MACROD2: variants seen among roughly 807,000 people sequenced by gnomAD.
MACROD2 encodes ADP-ribose glycohydrolase MACROD2.
A neutral mutation model predicts 70.4 loss-of-function variants in MACROD2; 36 were observed. That is an observed-to-expected ratio of 0.51 (90% CI 0.39 to 0.68). MACROD2 has a LOEUF of 0.68. Among genes scored for constraint, MACROD2 ranks in the 30% least tolerant of loss-of-function variants. MACROD2 has a pLI of 0.00. For missense variants in MACROD2, 496 were observed against 538.4 expected (o/e 0.92, Z 0.78); for synonymous variants, 172 against 178.8 (o/e 0.96, Z 0.30).
chr20:14,847,485 G>GTTTTTT (rs34778387), intron 5 of MACROD2, among the ~76,000 whole-genome samples: 1 of 121,450 alleles, frequency 8.2e-6, no homozygotes. Context: ...AGTGTTGCCT[G>GTTTTTT]TTTTTTTTTT....
At chr20:14,996,222 T>C (rs2074948239) in intron 5 of MACROD2, among the ~76,000 whole-genome samples, 1 of 152,202 alleles carries the variant, frequency 6.6e-6, no homozygotes, top group Non-Finnish European at 1.5e-5. Flanking sequence ...GCCAGTGTGC[T>C]CTGCACATGG....
At chr20:14,904,490 A>G (rs563673517) in intron 5 of MACROD2, among the ~76,000 whole-genome samples, 3 of 152,242 alleles carry the variant, frequency 2.0e-5, no homozygotes, top group South Asian at 4.1e-4. Context: ...CATTATGCAT[A>G]TATGTACATT....
intron 5 of MACROD2, among the ~76,000 whole-genome samples, chr20:14,761,297 A>C (rs1336690671): frequency 1.3e-5 from 2 of 152,104 alleles, no homozygotes; most frequent in African/African-American, 4.8e-5. Context: ...ATTCCCAATC[A>C]ACAGTTGCTG....
At position 14,406,145 on chromosome 20, in the gene MACROD2, C is replaced by T. The variant is rs181112613; in HGVS notation, c.272-87334C>T. Among the ~76,000 whole-genome samples the T allele has an allele frequency of 1.5e-3, 226 of 152,184 alleles. 2 individuals are homozygous for T. Among genetic ancestry groups the T allele is most frequent in the African/African-American group, 5.1e-3 (213 of 41,556 alleles). ...ACCTGTTTGACAAAAATTTGCTCCTCTCTGACCTATCTTATGGGAAGTACT... is the reference window on the plus strand; with the variant it reads ...ACCTGTTTGACAAAAATTTGCTCCTTTCTGACCTATCTTATGGGAAGTACT... On this transcript the variant is annotated intron_variant, in intron 3 of 17. Transcript: ENST00000684519.
At chr20:14,108,638 A>G (rs2054404387) in intron 3 of MACROD2, among the ~76,000 whole-genome samples, 1 of 152,108 alleles carries the variant, frequency 6.6e-6, no homozygotes, top group African/African-American at 2.4e-5. Context: ...GACAAAATAG[A>G]TTTCAAGACA....
At chr20:14,954,533 T>C (rs1350106613) in intron 5 of MACROD2, among the ~76,000 whole-genome samples, 3 of 139,598 alleles carry the variant, frequency 2.1e-5, no homozygotes, top group Admixed American at 7.6e-5. Context: ...TATATAATTA[T>C]ATATAATATA....
chr20:15,592,252 A>G (rs185784226), intron 8 of MACROD2, among the ~76,000 whole-genome samples: 7 of 152,370 alleles, frequency 4.6e-5, no homozygotes, highest in African/African-American at 1.4e-4. Flanking sequence ...CGATCCTGGT[A>G]CATAGTCACT....
At chr20:15,050,877 ACT>A (rs1199189199) in intron 5 of MACROD2, among the ~76,000 whole-genome samples, 2 of 151,910 alleles carry the variant, frequency 1.3e-5, no homozygotes, top group African/African-American at 2.4e-5. Flanking sequence ...AATAAAGATG[ACT>A]CTTGGTTGAC....
At chr20:15,708,959 G>C (rs536994052) in intron 8 of MACROD2, among the ~76,000 whole-genome samples, 5 of 152,282 alleles carry the variant, frequency 3.3e-5, no homozygotes, top group African/African-American at 1.2e-4. Flanking sequence ...CTGGGAGTTT[G>C]AAGCTGCAGT....
intron 7 of MACROD2, among the ~76,000 whole-genome samples, chr20:15,490,291 T>C (rs1384299111): frequency 6.6e-6 from 1 of 150,562 alleles, no homozygotes; most frequent in Admixed American, 6.6e-5. Context: ...CTTTCCTTCT[T>C]TCTTTCTCCT....
intron 2 of MACROD2, among the ~76,000 whole-genome samples, chr20:14,020,248 G>A (rs145918612): frequency 3.9e-5 from 6 of 152,160 alleles, no homozygotes; most frequent in Admixed American, 1.3e-4. Context: ...CGAGGCAGGC[G>A]TATCACCTGA....
chr20:14,019,758 GAAAAGACA>G (rs2148623155), intron 2 of MACROD2, among the ~76,000 whole-genome samples: 1 of 152,238 alleles, frequency 6.6e-6, no homozygotes, highest in African/African-American at 2.4e-5. Context: ...GCAAAAGTCT[GAAAAGACA>G]TTTGCAATCC....
intron 2 of MACROD2, among the ~76,000 whole-genome samples, chr20:14,022,360 C>A (rs1432985722): frequency 6.6e-6 from 1 of 151,486 alleles, no homozygotes; most frequent in Non-Finnish European, 1.5e-5. Flanking sequence ...CATGTATCAT[C>A]TTTGAACATA....
chr20:15,137,236 G>C (rs1238014782), intron 5 of MACROD2, among the ~76,000 whole-genome samples: 1 of 151,592 alleles, frequency 6.6e-6, no homozygotes, highest in Non-Finnish European at 1.5e-5. Flanking sequence ...TGTAAATCAT[G>C]CTGCTATAAA....
intron 5 of MACROD2, among the ~76,000 whole-genome samples, chr20:14,909,470 A>G (rs1308513248): frequency 6.6e-6 from 1 of 152,030 alleles, no homozygotes; most frequent in Non-Finnish European, 1.5e-5. Context: ...TGATGCTGAC[A>G]CTGGTTAACA....
intron 5 of MACROD2, among the ~76,000 whole-genome samples, chr20:14,799,415 G>A (rs2072547691): frequency 6.6e-6 from 1 of 151,986 alleles, no homozygotes; most frequent in Non-Finnish European, 1.5e-5. Context: ...AAATTGTAAT[G>A]TTTTCTTTTA....
chr20:14,792,885 TA>T lies in MACROD2; in HGVS notation c.418+107927del, dbSNP rs1406670154. ...TCTGCTACTTTTGCAGTGGAAATGT[TA>T]GCAGTTTTATTTACCAATGCAAATA... On this transcript the variant is annotated intron_variant, in intron 5 of 17. Coordinates refer to ENST00000684519, the MANE Select transcript of MACROD2 (RefSeq NM_001351661.2). 3.3e-5 allele frequency among the ~76,000 whole-genome samples: 5 copies of T among 152,280 alleles called. No individual in the cohort carries two copies. The South Asian group carries it at 8.3e-4, about 25-fold the overall frequency.
At chr20:14,384,986 A>T (rs2083455980) in intron 3 of MACROD2, among the ~76,000 whole-genome samples, 2 of 152,116 alleles carry the variant, frequency 1.3e-5, no homozygotes, top group South Asian at 4.1e-4. Flanking sequence ...TGCTTTATGT[A>T]ATCCCACCCC....
At position 15,103,252 on chromosome 20, in the gene MACROD2, A is replaced by G. The variant is rs73096053; in HGVS notation, c.419-126688A>G. ...TCCTTCTTTCCATTCTACCAGTCTC[A>G]GTAGGTTTTCTTCATAGTCACACGG... On this transcript the variant is annotated intron_variant, in intron 5 of 17. Transcript: ENST00000684519. Among the ~76,000 whole-genome samples the G allele has an allele frequency of 2.9e-3, 445 of 152,276 alleles. 2 individuals carry two copies. Among genetic ancestry groups the G allele is most frequent in the Non-Finnish European group, 4.9e-3 (336 of 68,002 alleles).
Sources: allele counts gnomAD v4.1 joint callset (sites outside exome capture counted in the v4.1 genomes callset), GRCh38; gene constraint gnomAD v4.1.1; transcripts MANE v1.5; gene names NCBI Gene and HGNC (gene_info 2026-07-23, HGNC 2026-07-21).